CPAMD8: variants seen among roughly 807,000 people sequenced by gnomAD.
The protein encoded by CPAMD8 is C3 and PZP-like alpha-2-macroglobulin domain-containing protein 8.
CPAMD8 carries 146 observed loss-of-function variants against 224.7 expected under a neutral mutation model. The ratio of observed to expected loss-of-function variants is 0.65; its 90% CI spans 0.57 to 0.75. The LOEUF is 0.75. CPAMD8 is among the 30% of genes least tolerant of loss of function. The pLI is 0.00. For missense variants in CPAMD8, 2,301 were observed against 2,537.5 expected (o/e 0.91, Z 2.00); for synonymous variants, 966 against 1,044.6 (o/e 0.92, Z 1.45).
rs2052385733 is a variant in CPAMD8 at position 16,904,382 on chromosome 19, C to A, written c.4115-20G>T. On this transcript the variant is annotated intron_variant, in intron 31 of 41. Coordinates refer to ENST00000443236, the MANE Select transcript of CPAMD8 (RefSeq NM_015692.5). ...AGACCACTGCAATGGAAGAGGCCCA[C>A]TGGGGACTTTTGACACAGGGACATG... is the stretch of plus-strand genomic sequence containing the variant. The A allele has an allele frequency of 1.1e-5, 18 of 1,614,006 alleles. No homozygotes were observed. Among genetic ancestry groups the A allele is most frequent in the Non-Finnish European group, 1.4e-5 (17 of 1,180,034 alleles).
At chr19:17,003,518 T>C (rs980076697) in intron 8 of CPAMD8, among the ~76,000 whole-genome samples, 1 of 151,516 alleles carries the variant, frequency 6.6e-6, no homozygotes, top group African/African-American at 2.4e-5. Flanking sequence ...CTTTTTTCTA[T>C]AAAAGGCAAG....
chr19:16,948,905 AGGG>A, intron 20 of CPAMD8, among the ~76,000 whole-genome samples: 1 of 79,332 alleles, frequency 1.3e-5, no homozygotes, highest in East Asian at 4.9e-4. Context: ...AGGGAAGGGA[AGGG>A]AAGGGAAAGG....
intron 17 of CPAMD8, among the ~76,000 whole-genome samples, chr19:16,974,464 C>T (rs111538639): frequency 2.1e-4 from 32 of 151,700 alleles, no homozygotes; most frequent in African/African-American, 6.8e-4. Flanking sequence ...TAACCAAAGC[C>T]GAGGCAGAGC....
In CPAMD8 at chr19:16,997,120, G is replaced by C; in HGVS notation, c.1086C>G (p.Tyr362Ter). 1 of 1,605,048 alleles carries C rather than the reference G, an allele frequency of 6.2e-7. No individual in the cohort carries two copies. The highest frequency in any genetic ancestry group is 1.1e-5 in the South Asian group (1 of 90,862). The change falls in exon 11 of 42, where the codon TAC becomes TAG. Residue 362 changes from tyrosine (Y) to a stop codon, truncating the protein, a stop_gained. Transcript: ENST00000443236. LOFTEE classifies it high-confidence loss of function. ...TRKQFKPGLA[Y>*]VGKVELSYPD... ...GTCACCCCCAAGTTACCTTCCCCAC[G>C]TAGGCCAGGCCCGGCTTGAACTGCT...
At chr19:17,013,017 T>C (rs914170255) in intron 3 of CPAMD8, among the ~76,000 whole-genome samples, 1 of 151,516 alleles carries the variant, frequency 6.6e-6, no homozygotes, top group Non-Finnish European at 1.5e-5. Context: ...ACCCCATCTC[T>C]ACTAAGTACA....
intron 17 of CPAMD8, 32 bp downstream of exon 17, chr19:16,975,065 G>C: frequency 6.2e-7 from 1 of 1,603,530 alleles, no homozygotes; most frequent in Non-Finnish European, 8.5e-7. Flanking sequence ...ACTTAGAAGG[G>C]GGCAGAGGGA....
rs573752770 is a variant in CPAMD8 at position 16,987,373 on chromosome 19, C to T, written c.1395+2270G>A. 2.6e-5 allele frequency among the ~76,000 whole-genome samples: 4 copies of T among 151,508 alleles called. No individual in the cohort carries two copies. In the South Asian group the frequency reaches 6.2e-4, roughly 24 times the overall value. ...TGCCCAAGCAAGACAGCAGGACCCC[C>T]TCTCCTCTTCCTCCTCCTCCTCAGC... On this transcript the variant is annotated intron_variant, in intron 13 of 41. Coordinates refer to ENST00000443236, the MANE Select transcript of CPAMD8 (RefSeq NM_015692.5).
At chr19:16,950,407 A>C (rs976638066) in intron 20 of CPAMD8, among the ~76,000 whole-genome samples, 8 of 152,088 alleles carry the variant, frequency 5.3e-5, no homozygotes, top group Non-Finnish European at 2.9e-5. Flanking sequence ...CTAAACACAA[A>C]CCACTTCGCT....
intron 31 of CPAMD8, 43 bp from the exon 32 acceptor site, chr19:16,904,405 A>G (rs1353139400): frequency 2.5e-6 from 4 of 1,613,684 alleles, no homozygotes; most frequent in South Asian, 1.1e-5. Context: ...ACACAGGGAC[A>G]TGGACCCAGT....
intron 27 of CPAMD8, among the ~76,000 whole-genome samples, chr19:16,921,114 T>C (rs1286569911): frequency 6.6e-6 from 1 of 151,926 alleles, no homozygotes; most frequent in Non-Finnish European, 1.5e-5. Flanking sequence ...GGAGGCTGGG[T>C]GAGTCGCCAA....
intron 14 of CPAMD8, among the ~76,000 whole-genome samples, chr19:16,979,290 CTGTA>C (rs374619989): frequency 3.9e-4 from 50 of 129,634 alleles, no homozygotes; most frequent in African/African-American, 4.4e-4. Flanking sequence ...ATCCATCCTT[CTGTA>C]CCTCCATCCA....
At chr19:17,025,666 ACAAAAATCC>A (rs1430701110) in intron 1 of CPAMD8, among the ~76,000 whole-genome samples, 3 of 152,166 alleles carry the variant, frequency 2.0e-5, no homozygotes, top group African/African-American at 7.2e-5. Context: ...CCTCAGGGAG[ACAAAAATCC>A]CCCCCAGGGC....
intron 23 of CPAMD8, among the ~76,000 whole-genome samples, chr19:16,930,385 A>C (rs767154377): frequency 1.3e-4 from 20 of 152,192 alleles, no homozygotes; most frequent in Admixed American, 5.9e-4. Flanking sequence ...ACCAATTATT[A>C]TGTGGGGAGA....
chr19:16,914,253 CA>C (rs199938052), intron 29 of CPAMD8, among the ~76,000 whole-genome samples, 170 bp downstream of exon 29: 3,029 of 152,174 alleles, frequency 0.02, 84 homozygotes, highest in African/African-American at 0.069. Flanking sequence ...GCTCAGATTA[CA>C]AGAAACTGGA....
chr19:17,008,581 A>G, intron 6 of CPAMD8, 22 bp from the exon 7 acceptor site: 1 of 1,613,598 alleles, frequency 6.2e-7, no homozygotes, highest in African/African-American at 1.3e-5. Flanking sequence ...GGAGGGGGAC[A>G]GACACACGGA....
chr19:16,963,662 G>C (rs1334954819), intron 18 of CPAMD8, among the ~76,000 whole-genome samples: 4 of 152,130 alleles, frequency 2.6e-5, no homozygotes. Context: ...AGGATATCCA[G>C]GAATTGAACT....
chr19:16,910,373 T>A (rs1478853246), intron 29 of CPAMD8: 1 of 151,756 alleles, frequency 6.6e-6, no homozygotes, highest in Non-Finnish European at 1.5e-5. Flanking sequence ...ATTCTCCATG[T>A]TGGTCAGGCT....
chr19:16,988,681 C>T (rs1366828343), intron 13 of CPAMD8, among the ~76,000 whole-genome samples: 1 of 152,010 alleles, frequency 6.6e-6, no homozygotes, highest in Non-Finnish European at 1.5e-5. Flanking sequence ...GCAGAATTCT[C>T]CCCTTGCTGG....
At chr19:16,909,755 A>C (rs2052653789) in intron 29 of CPAMD8, among the ~76,000 whole-genome samples, 2 of 151,336 alleles carry the variant, frequency 1.3e-5, no homozygotes. Flanking sequence ...AAAAAAAAAA[A>C]ATTTGTATTA....
Sources: allele counts gnomAD v4.1 joint callset (sites outside exome capture counted in the v4.1 genomes callset), GRCh38; gene constraint gnomAD v4.1.1; transcripts MANE v1.5; gene names NCBI Gene and HGNC (gene_info 2026-07-23, HGNC 2026-07-21).